SLC6A17: variants seen among roughly 807,000 people sequenced by gnomAD.
SLC6A17 encodes sodium-dependent neutral amino acid transporter SLC6A17.
A neutral mutation model predicts 64.5 loss-of-function variants in SLC6A17; 21 were observed. The observed-to-expected ratio is 0.33, with a 90% CI of 0.23 to 0.47. The LOEUF (loss-of-function observed/expected upper bound fraction) is 0.47, where lower values mean the gene tolerates loss of function less well. SLC6A17 is among the 20% of genes least tolerant of loss of function. The pLI, the probability that SLC6A17 is intolerant of heterozygous loss-of-function variation, is 1.00. For synonymous variants in SLC6A17, 372 were observed against 399.5 expected (o/e 0.93, Z 0.82); for missense variants, 682 against 963.2 (o/e 0.71, Z 3.86).
At position 110,174,947 on chromosome 1, in the gene SLC6A17, A is replaced by G; in HGVS notation, c.740A>G (p.Gln247Arg). 1.2e-6 allele frequency: 2 copies of G among 1,613,836 alleles called. No homozygotes were observed. Among genetic ancestry groups the G allele is most frequent in the Non-Finnish European group, 1.7e-6 (2 of 1,179,816 alleles). Residue 247 changes from glutamine (Q) to arginine (R), a missense_variant, in exon 5 of 12, where the codon CAG becomes CGG. By Grantham distance (43) the Gln-to-Arg change is conservative. This residue lies in a region of SLC6A17 where 415 missense variants were observed against 603.8 expected (regional missense o/e 0.69). Transcript: ENST00000331565. Reference protein sequence around the residue: ...IVGMAVVKGIQSSGKVMYFSS... With the variant: ...IVGMAVVKGIRSSGKVMYFSS... ...GGGATGGCTGTCGTTAAGGGCATCC[A>G]GTCCTCGGGGAAGGTGAGTGCTGAG...
chr1:110,173,894 TGCTGGGCCTCGGGTG>T, intron 3 of SLC6A17, 64 bp from the exon 4 acceptor site: 2 of 1,508,850 alleles, frequency 1.3e-6, no homozygotes, highest in African/African-American at 1.4e-5. Context: ...GCTGCCGACG[TGCTGGGCCTCGGGTG>T]GAGCGTGGGG....
intron 6 of SLC6A17, among the ~76,000 whole-genome samples, chr1:110,187,476 T>A (rs1656715586): frequency 6.6e-6 from 1 of 152,236 alleles, no homozygotes; most frequent in African/African-American, 2.4e-5. Flanking sequence ...CTACAGTCTG[T>A]TTACACCTCC....
chr1:110,156,730 A>G (rs1655771222), intron 1 of SLC6A17, among the ~76,000 whole-genome samples: 1 of 152,154 alleles, frequency 6.6e-6, no homozygotes, highest in African/African-American at 2.4e-5. Flanking sequence ...CCAGCCCTCT[A>G]CAAAGCTGCA....
chr1:110,195,397 C>T (rs138916248), intron 9 of SLC6A17, among the ~76,000 whole-genome samples, 189 bp from the exon 10 acceptor site: 6 of 152,236 alleles, frequency 3.9e-5, no homozygotes, highest in Non-Finnish European at 5.9e-5. Flanking sequence ...AGGTGCTCCC[C>T]GACTAGTAGA....
chr1:110,192,763 A>T lies in SLC6A17; in HGVS notation c.1299+65A>T. 6.5e-7 allele frequency: 1 copy of T among 1,530,708 alleles called. No homozygotes were observed. Among genetic ancestry groups the T allele is most frequent in the Non-Finnish European group, 8.8e-7 (1 of 1,135,066 alleles). 94.8% of individuals were successfully genotyped at this position (1,530,708 alleles called of 1,614,324 possible). A position where few individuals can be genotyped will look rare whatever the true frequency, so the allele number is the denominator to read the frequency against. On this transcript the variant is annotated intron_variant, in intron 8 of 11. Transcript: ENST00000331565. This position sits in a 1 kb window ranked among gnomAD's most constrained non-coding sequence, Gnocchi z 4.3. ...CCAGAGAGCAGCTGTGGCCGGCGGG[A>T]GCTTGGGCTCAGGCCTCAGGATGCT...
At chr1:110,189,029 T>C (rs1656758888) in intron 6 of SLC6A17, among the ~76,000 whole-genome samples, 1 of 152,202 alleles carries the variant, frequency 6.6e-6, no homozygotes, top group Non-Finnish European at 1.5e-5. Context: ...TCTGACTCCC[T>C]TTCAGGAGAC....
chr1:110,193,345 G>C, intron 8 of SLC6A17, among the ~76,000 whole-genome samples: 1 of 152,178 alleles, frequency 6.6e-6, no homozygotes, highest in East Asian at 1.9e-4. Context: ...GGGTGGTGCT[G>C]GGGGTGCTGA....
intron 4 of SLC6A17, 85 bp downstream of exon 4, chr1:110,174,184 C>A: frequency 6.5e-7 from 1 of 1,542,856 alleles, no homozygotes. Flanking sequence ...TTTGGAATTT[C>A]AGACTTGTTG....
chr1:110,154,719 C>T (rs774041155), intron 1 of SLC6A17, among the ~76,000 whole-genome samples: 2 of 152,110 alleles, frequency 1.3e-5, no homozygotes, highest in African/African-American at 2.4e-5. Context: ...TGGATGTTGC[C>T]CTGAGAATTT....
chr1:110,190,237 T>C (rs1264644197), intron 6 of SLC6A17, among the ~76,000 whole-genome samples: 2 of 152,166 alleles, frequency 1.3e-5, no homozygotes, highest in Admixed American at 1.3e-4. Context: ...TTCTGGGCTT[T>C]CTTGGTGGAC....
intron 1 of SLC6A17, among the ~76,000 whole-genome samples, chr1:110,156,041 G>A (rs1655750476): frequency 6.6e-6 from 1 of 152,220 alleles, no homozygotes; most frequent in Non-Finnish European, 1.5e-5. Context: ...AGGAAGGAGA[G>A]CAGATGTTCT....
Position 110,198,961 on chromosome 1 carries a change from C to G in SLC6A17, c.*517C>G, listed in dbSNP as rs2784141. 97,748 of 153,250 alleles carry G rather than the reference C, an allele frequency of 0.64. 32,132 individuals carry two copies. Among genetic ancestry groups the G allele is most frequent in the African/African-American group, 0.79 (32,666 of 41,542 alleles). 9.5% of individuals were successfully genotyped at this position (153,250 alleles called of 1,614,324 possible). A position where few individuals can be genotyped will look rare whatever the true frequency, so the allele number is the denominator to read the frequency against. The stretch of plus-strand genomic sequence containing the variant: ...TCCTGGTCCAAGAGGCTACCTGCTC[C>G]AAGGCGGAGGGTGGGAGCAGGTGTG... On this transcript the variant is annotated 3_prime_UTR_variant, in exon 12 of 12. Transcript: ENST00000331565.
intron 2 of SLC6A17, 87 bp downstream of exon 2, chr1:110,167,302 G>A: frequency 2.0e-6 from 3 of 1,480,330 alleles, no homozygotes; most frequent in Non-Finnish European, 2.7e-6. Context: ...TGCTGAGGCA[G>A]AACTGGAGCC....
chr1:110,191,554 T>C (rs1425755729), intron 6 of SLC6A17, among the ~76,000 whole-genome samples: 3 of 152,172 alleles, frequency 2.0e-5, no homozygotes, highest in Non-Finnish European at 2.9e-5. Context: ...CTTGTGCTGC[T>C]GTGCAAGCTG....
chr1:110,159,396 G>A (rs1001508794), intron 1 of SLC6A17, among the ~76,000 whole-genome samples: 1 of 152,222 alleles, frequency 6.6e-6, no homozygotes, highest in African/African-American at 2.4e-5. Context: ...TTCAGTGCCA[G>A]TTCCTCCCCC....
At chr1:110,173,295 C>A (rs1656289415) in intron 3 of SLC6A17, among the ~76,000 whole-genome samples, 1 of 152,196 alleles carries the variant, frequency 6.6e-6, no homozygotes, top group Non-Finnish European at 1.5e-5. Context: ...CTCACTGATG[C>A]AGGAGACAGC....
At chr1:110,161,565 G>A (rs977870992) in intron 1 of SLC6A17, among the ~76,000 whole-genome samples, 11 of 152,124 alleles carry the variant, frequency 7.2e-5, no homozygotes, top group African/African-American at 1.2e-4. Context: ...GTCTGTGGTC[G>A]TTGTAATTAG....
At position 110,150,736 on chromosome 1, in the gene SLC6A17, T is replaced by C. The variant is rs1655573285; in HGVS notation, c.-235T>C. The C allele has an allele frequency of 6.6e-6, 1 of 152,090 alleles. No homozygotes were observed. Among genetic ancestry groups the C allele is most frequent in the African/African-American group, 2.4e-5 (1 of 41,422 alleles). The allele number at this position is 152,090 out of a possible 1,614,324, so 9.4% of individuals were successfully genotyped here. A position where few individuals can be genotyped will look rare whatever the true frequency, so the allele number is the denominator to read the frequency against. On this transcript the variant is annotated 5_prime_UTR_variant, in exon 1 of 12. Coordinates refer to ENST00000331565, the MANE Select transcript of SLC6A17 (RefSeq NM_001010898.4). ...GGAGTGAGGAGCGAGCGGAGTCGCG[T>C]GCGCCGGCGCGCAGCTCCGGGTCGC...
At chr1:110,181,007 G>C (rs756795007) in intron 6 of SLC6A17, among the ~76,000 whole-genome samples, 3 of 152,098 alleles carry the variant, frequency 2.0e-5, no homozygotes, top group Non-Finnish European at 4.4e-5. Context: ...GACAGTTACC[G>C]GGTATGATGA....
Sources: gnomAD v4.1 joint callset for allele counts (sites outside exome capture counted in the v4.1 genomes callset) on GRCh38, gnomAD v4.1.1 for gene constraint, gnomAD v4.1.1 regional missense constraint, Gnocchi (gnomAD v3.1) non-coding constraint, MANE v1.5 for transcripts, NCBI Gene and HGNC (gene_info 2026-07-23, HGNC 2026-07-21) for gene names.